Variants in SNX6 observed in about 807,000 individuals in gnomAD.
The protein encoded by SNX6 is sorting nexin 6.
SNX6 carries 34 observed loss-of-function variants against 63.0 expected under a neutral mutation model. The observed-to-expected ratio is 0.54, with a 90% CI of 0.41 to 0.72. The LOEUF is 0.72. SNX6 is among the 30% of genes least tolerant of loss of function. The pLI is 0.00. For synonymous variants in SNX6, 170 were observed against 164.2 expected (o/e 1.04, Z -0.27); for missense variants, 398 against 471.4 (o/e 0.84, Z 1.44).
intron 5 of SNX6, among the ~76,000 whole-genome samples, chr14:34,603,955 A>T (rs191428974): frequency 8.3e-4 from 126 of 152,256 alleles, no homozygotes; most frequent in African/African-American, 2.9e-3. Flanking sequence ...CTATGAAGAA[A>T]CTAATTTTTT....
At chr14:34,619,659 C>T (rs1040844585) in intron 2 of SNX6, among the ~76,000 whole-genome samples, 9 of 152,060 alleles carry the variant, frequency 5.9e-5, no homozygotes, top group African/African-American at 1.9e-4. Context: ...TTAACTGCTT[C>T]CTGCTTTCTC....
intron 2 of SNX6, among the ~76,000 whole-genome samples, chr14:34,623,368 T>C (rs951262639): frequency 6.6e-6 from 1 of 151,902 alleles, no homozygotes; most frequent in Non-Finnish European, 1.5e-5. Context: ...GGAGGGGATA[T>C]TGAGAAATGA....
intron 11 of SNX6, among the ~76,000 whole-genome samples, chr14:34,572,737 G>C (rs190839360): frequency 6.6e-6 from 1 of 151,670 alleles, no homozygotes; most frequent in Non-Finnish European, 1.5e-5. Context: ...CCGGAGTGCC[G>C]TGGCGCGATC....
At position 34,563,368 on chromosome 14, in the gene SNX6, C is replaced by T. The variant is rs1388677273; in HGVS notation, c.1168-193G>A. 5.9e-5 allele frequency among the ~76,000 whole-genome samples: 9 copies of T among 152,130 alleles called. No individual in the cohort carries two copies. In the East Asian group the frequency reaches 1.5e-3, roughly 26 times the overall value. On this transcript the variant is annotated intron_variant, in intron 13 of 13. Coordinates refer to ENST00000362031, the MANE Select transcript of SNX6 (RefSeq NM_152233.4). ...GGTCAGGAGATCGAGACCATCCTGG[C>T]TAACACAGTGAAACCCCATCTCTAC... is the stretch of plus-strand genomic sequence containing the variant.
At chr14:34,576,449 TA>T (rs1881707956) in intron 10 of SNX6, among the ~76,000 whole-genome samples, 1 of 7,774 alleles carries the variant, frequency 1.3e-4, no homozygotes, top group Non-Finnish European at 1.0e-3. Flanking sequence ...TATATATATA[TA>T]TATTTTTTTT....
chr14:34,601,468 C>T (rs560753981), intron 6 of SNX6, among the ~76,000 whole-genome samples: 5 of 151,728 alleles, frequency 3.3e-5, no homozygotes, highest in Admixed American at 1.3e-4. Flanking sequence ...TCGTGATCCG[C>T]CCACCTCGGC....
chr14:34,598,761 G>C (rs558953236), intron 6 of SNX6, among the ~76,000 whole-genome samples: 1 of 152,250 alleles, frequency 6.6e-6, no homozygotes, highest in South Asian at 2.1e-4. Context: ...GCTCCTGCTT[G>C]GAGTCCCAGC....
chr14:34,579,769 C>T (rs1404615620), intron 10 of SNX6, among the ~76,000 whole-genome samples: 1 of 150,710 alleles, frequency 6.6e-6, no homozygotes, highest in East Asian at 2.0e-4. Flanking sequence ...AGAATGACTG[C>T]CTGAGGCCAG....
intron 5 of SNX6, 73 bp from the exon 6 acceptor site, chr14:34,603,544 G>A: frequency 7.8e-7 from 1 of 1,286,170 alleles, no homozygotes; most frequent in South Asian, 1.6e-5. Flanking sequence ...ATTTTTTTCA[G>A]AAAATACTCT....
At chr14:34,585,474 C>G (rs1023345268) in intron 9 of SNX6, among the ~76,000 whole-genome samples, 1 of 152,096 alleles carries the variant, frequency 6.6e-6, no homozygotes, top group African/African-American at 2.4e-5. Flanking sequence ...GAGCCATGAT[C>G]GTGCCACTGC....
At chr14:34,606,450 C>CT (rs1412366331) in intron 4 of SNX6, among the ~76,000 whole-genome samples, 4 of 65,482 alleles carry the variant, frequency 6.1e-5, no homozygotes, top group African/African-American at 2.7e-4. Flanking sequence ...ACTTCCAACT[C>CT]TTCTTTTTTT....
chr14:34,614,346 A>G (rs984378736), intron 2 of SNX6, among the ~76,000 whole-genome samples: 4 of 151,494 alleles, frequency 2.6e-5, no homozygotes, highest in African/African-American at 9.7e-5. Context: ...CTGAGACAGG[A>G]GGATTGCTTG....
chr14:34,630,126 G>C lies in SNX6; in HGVS notation c.-10C>G, dbSNP rs756508092. Reference sequence around the variant, plus strand: ...GAACACCCACCATCATGGCTGCTCCGAGGCGAGGGCCGGCGCAGGCGCGCA... The same window carrying C: ...GAACACCCACCATCATGGCTGCTCCCAGGCGAGGGCCGGCGCAGGCGCGCA... On this transcript the variant is annotated 5_prime_UTR_variant, in exon 1 of 14. Transcript: ENST00000362031. 6.7e-6 allele frequency: 9 copies of C among 1,347,236 alleles called. No individual in the cohort carries two copies. The South Asian group carries it at 9.4e-5, about 14-fold the overall frequency. The allele number at this position is 1,347,236 out of a possible 1,614,324, so 83.5% of individuals were successfully genotyped here.
At chr14:34,628,697 T>C (rs536191234) in intron 2 of SNX6, among the ~76,000 whole-genome samples, 2 of 152,300 alleles carry the variant, frequency 1.3e-5, no homozygotes, top group East Asian at 3.9e-4. Flanking sequence ...TCATCTGTTA[T>C]TACAAACAGC....
chr14:34,605,774 A>T (rs1882992809), intron 4 of SNX6, 57 bp from the exon 5 acceptor site: 1 of 1,568,630 alleles, frequency 6.4e-7, no homozygotes, highest in Admixed American at 2.0e-5. Context: ...GAAGCATTGT[A>T]CTACTGCCAC....
intron 11 of SNX6, chr14:34,569,129 T>C: frequency 1.2e-6 from 1 of 863,258 alleles, no homozygotes; most frequent in Admixed American, 1.7e-5. Flanking sequence ...ACTCCAGGCA[T>C]CATGCGGCCC....
At chr14:34,577,223 C>T (rs1184590096) in intron 10 of SNX6, among the ~76,000 whole-genome samples, 1 of 152,000 alleles carries the variant, frequency 6.6e-6, no homozygotes, top group African/African-American at 2.4e-5. Context: ...GCTGGGATTA[C>T]AGGTGCACGT....
At chr14:34,575,549 A>C (rs1201672240) in intron 11 of SNX6, 1 of 246,550 alleles carries the variant, frequency 4.1e-6, no homozygotes, top group African/African-American at 2.3e-5. Flanking sequence ...TATAATAAAG[A>C]GGAAACTTTT....
At chr14:34,610,160 A>G (rs1020015811) in intron 2 of SNX6, among the ~76,000 whole-genome samples, 6 of 151,726 alleles carry the variant, frequency 4.0e-5, no homozygotes, top group Admixed American at 2.6e-4. Flanking sequence ...CCTGGGAAAC[A>G]TAACAAGACC....
Sources: allele counts gnomAD v4.1 joint callset (sites outside exome capture counted in the v4.1 genomes callset), GRCh38; gene constraint gnomAD v4.1.1; transcripts MANE v1.5; gene names NCBI Gene and HGNC (gene_info 2026-07-23, HGNC 2026-07-21).